Variants in DCDC1 observed in about 807,000 individuals in gnomAD.
DCDC1 encodes doublecortin domain containing 1.
DCDC1 carries 200 observed loss-of-function variants against 178.3 expected under a neutral mutation model. The observed-to-expected ratio is 1.12, with a 90% CI of 1.00 to 1.26. DCDC1 has a LOEUF of 1.26. DCDC1 is among the 50% of genes most tolerant of loss of function. DCDC1 has a pLI of 0.00. For synonymous variants in DCDC1, 690 were observed against 604.8 expected (o/e 1.14, Z -2.07); for missense variants, 1,983 against 1,749.2 (o/e 1.13, Z -2.38).
chr11:30,933,092 G>A (rs1243662061), intron 21 of DCDC1, among the ~76,000 whole-genome samples: 1 of 151,888 alleles, frequency 6.6e-6, no homozygotes, highest in Non-Finnish European at 1.5e-5. Flanking sequence ...TGTAAGTGTA[G>A]ATCTGCTTTT....
At chr11:31,071,902 T>C (rs1590947434) in intron 18 of DCDC1, among the ~76,000 whole-genome samples, 1 of 152,202 alleles carries the variant, frequency 6.6e-6, no homozygotes, top group Admixed American at 6.6e-5. Flanking sequence ...CCTCAGATGT[T>C]TGCAACCTGA....
intron 9 of DCDC1, among the ~76,000 whole-genome samples, chr11:31,235,458 C>T (rs975897816): frequency 6.6e-6 from 1 of 151,152 alleles, no homozygotes; most frequent in Non-Finnish European, 1.5e-5. Flanking sequence ...ATTAAGTTTA[C>T]TTTATCTGTA....
chr11:31,172,723 T>C (rs1398349856), intron 9 of DCDC1, among the ~76,000 whole-genome samples: 1 of 152,094 alleles, frequency 6.6e-6, no homozygotes, highest in African/African-American at 2.4e-5. Context: ...GGAGAAAATA[T>C]GTTTACTATT....
intron 6 of DCDC1, among the ~76,000 whole-genome samples, chr11:31,302,004 G>A (rs1948145331): frequency 6.6e-6 from 1 of 152,054 alleles, no homozygotes; most frequent in African/African-American, 2.4e-5. Flanking sequence ...TTCACTTCTG[G>A]TTAACAAAAC....
At chr11:31,295,466 G>T (rs1188959605) in intron 6 of DCDC1, among the ~76,000 whole-genome samples, 2 of 152,082 alleles carry the variant, frequency 1.3e-5, no homozygotes, top group African/African-American at 4.8e-5. Flanking sequence ...GCACCCTTCT[G>T]AGAATTGCCT....
chr11:30,908,930 G>C lies in DCDC1; in HGVS notation c.3918+16C>G. Reference sequence around the variant, plus strand: ...CCCTATTTTTCTTTTATCTTTGAGAGGAAGGAACCACTTACTGGTTGATCA... The same window carrying C: ...CCCTATTTTTCTTTTATCTTTGAGACGAAGGAACCACTTACTGGTTGATCA... On this transcript the variant is annotated intron_variant, in intron 29 of 38. Transcript: ENST00000684477. The C allele has an allele frequency of 6.4e-7, 1 of 1,566,042 alleles. No homozygotes were observed. Among genetic ancestry groups the C allele is most frequent in the African/African-American group, 1.4e-5 (1 of 73,266 alleles).
At chr11:30,948,355 G>A (rs1049453945) in intron 21 of DCDC1, among the ~76,000 whole-genome samples, 1 of 152,040 alleles carries the variant, frequency 6.6e-6, no homozygotes, top group Non-Finnish European at 1.5e-5. Flanking sequence ...AAATAAGAGA[G>A]GACACAAACA....
intron 7 of DCDC1, among the ~76,000 whole-genome samples, chr11:31,268,290 A>G (rs1371804004): frequency 6.6e-6 from 1 of 152,176 alleles, no homozygotes. Flanking sequence ...AGGTAGTCCC[A>G]TTTACTTCAA....
intron 9 of DCDC1, among the ~76,000 whole-genome samples, chr11:31,144,307 T>A (rs532545387): frequency 9.0e-4 from 137 of 152,036 alleles, no homozygotes; most frequent in South Asian, 1.7e-3. Flanking sequence ...GCTAATATTT[T>A]TTTTTTTTAA....
At chr11:30,938,360 C>T (rs553266111) in intron 21 of DCDC1, among the ~76,000 whole-genome samples, 5 of 152,148 alleles carry the variant, frequency 3.3e-5, no homozygotes, top group South Asian at 2.1e-4. Context: ...TCTGCTGAAA[C>T]GACAAAGATT....
intron 18 of DCDC1, among the ~76,000 whole-genome samples, chr11:31,069,034 G>C (rs1010297759): frequency 1.3e-5 from 2 of 151,870 alleles, no homozygotes; most frequent in African/African-American, 2.4e-5. Context: ...TGTATTTTTA[G>C]TAGAGACAGG....
chr11:31,265,640 G>A, intron 7 of DCDC1, 40 bp from the exon 8 acceptor site: 1 of 1,043,644 alleles, frequency 9.6e-7, no homozygotes. Context: ...TTAGTAAACT[G>A]GTTAAATTGA....
chr11:31,064,411 C>T, intron 20 of DCDC1, 58 bp downstream of exon 20: 1 of 669,784 alleles, frequency 1.5e-6, no homozygotes, highest in East Asian at 2.5e-5. Context: ...TTACATGAAA[C>T]TGAAGGAAAA....
Position 30,881,298 on chromosome 11 carries a change from T to A in DCDC1, c.5093A>T (p.Asp1698Val). Residue 1698 changes from aspartate (D) to valine (V), a missense_variant, in exon 37 of 39, where the codon GAC becomes GTC. Coordinates refer to ENST00000684477, the MANE Select transcript of DCDC1 (RefSeq NM_001387274.1). ...GGTCATTTTGAGACGAGAGGAGCAG[T>A]CTTGCAGCAGCTGAGACACAGAGGG... The part of the protein sequence containing the change: ...WGKTISELLQ[D>V]CSSRLKMTHP... 1.9e-6 allele frequency: 3 copies of A among 1,613,190 alleles called. No individual in the cohort carries two copies. In the South Asian group the frequency reaches 3.3e-5, roughly 18 times the overall value.
At chr11:30,928,507 T>C (rs1002141300) in intron 22 of DCDC1, among the ~76,000 whole-genome samples, 1 of 150,570 alleles carries the variant, frequency 6.6e-6, no homozygotes, top group South Asian at 2.1e-4. Flanking sequence ...CTATAAATTG[T>C]GAAATATGTT....
At chr11:31,024,691 AG>A (rs1248945984) in intron 20 of DCDC1, among the ~76,000 whole-genome samples, 2 of 151,956 alleles carry the variant, frequency 1.3e-5, no homozygotes, top group Admixed American at 1.3e-4. Flanking sequence ...GATAATTTCT[AG>A]AATTTTAAAA....
chr11:30,884,954 C>A (rs1943034142), intron 36 of DCDC1, among the ~76,000 whole-genome samples: 1 of 151,990 alleles, frequency 6.6e-6, no homozygotes. Flanking sequence ...CAAAATTCAT[C>A]TTTAAAAATC....
intron 8 of DCDC1, among the ~76,000 whole-genome samples, chr11:31,257,744 G>C (rs1250842518): frequency 7.2e-6 from 1 of 139,256 alleles, no homozygotes; most frequent in Non-Finnish European, 1.6e-5. Context: ...ATACACACAC[G>C]CTAAAACCTG....
At chr11:30,876,908 C>G (rs1445395045) in intron 38 of DCDC1, among the ~76,000 whole-genome samples, 1 of 151,904 alleles carries the variant, frequency 6.6e-6, no homozygotes, top group African/African-American at 2.4e-5. Flanking sequence ...TTTCTTAACC[C>G]TTCTTGTTTT....
Sources: gnomAD v4.1 joint callset for allele counts (sites outside exome capture counted in the v4.1 genomes callset) on GRCh38, gnomAD v4.1.1 for gene constraint, MANE v1.5 for transcripts, NCBI Gene and HGNC (gene_info 2026-07-23, HGNC 2026-07-21) for gene names.